Variants in RBMS1 observed in about 807,000 individuals in gnomAD.
RBMS1 encodes the protein RNA binding motif single stranded interacting protein 1, also known as RNA-binding motif, single-stranded-interacting protein 1.
RBMS1 carries 17 observed loss-of-function variants against 62.3 expected under a neutral mutation model. The observed-to-expected ratio is 0.27, with a 90% CI of 0.19 to 0.41. The LOEUF is 0.41. Among genes scored for constraint, RBMS1 ranks in the 10% least tolerant of loss-of-function variants. The pLI is 1.00. For synonymous variants in RBMS1, 172 were observed against 170.0 expected (o/e 1.01, Z -0.09); for missense variants, 334 against 504.5 (o/e 0.66, Z 3.24).
chr2:160,440,095 G>A (rs1034370657), intron 1 of RBMS1, among the ~76,000 whole-genome samples: 1 of 127,368 alleles, frequency 7.9e-6, no homozygotes, highest in Non-Finnish European at 1.7e-5. Flanking sequence ...AGAGGGGAGA[G>A]GGGAGAGGGG....
intron 2 of RBMS1, among the ~76,000 whole-genome samples, chr2:160,352,388 C>T (rs542837475): frequency 3.9e-5 from 6 of 152,106 alleles, no homozygotes; most frequent in Non-Finnish European, 8.8e-5. Flanking sequence ...CAGTGGCTAC[C>T]AAATTAGGCT....
At chr2:160,462,567 A>C (rs1233475367) in intron 1 of RBMS1, among the ~76,000 whole-genome samples, 1 of 152,188 alleles carries the variant, frequency 6.6e-6, no homozygotes, top group African/African-American at 2.4e-5. Flanking sequence ...GAGGAATAGA[A>C]ACTTTAAGCA....
intron 1 of RBMS1, among the ~76,000 whole-genome samples, chr2:160,447,638 T>C (rs1683712464): frequency 6.6e-6 from 1 of 152,250 alleles, no homozygotes; most frequent in Non-Finnish European, 1.5e-5. Flanking sequence ...TTCATTTTTA[T>C]ACTGCTAGAA....
intron 6 of RBMS1, among the ~76,000 whole-genome samples, chr2:160,292,205 A>T (rs1174336268): frequency 6.6e-6 from 1 of 152,170 alleles, no homozygotes; most frequent in Non-Finnish European, 1.5e-5. Flanking sequence ...CAAGGGTTTA[A>T]AATTCTGCTT....
Position 160,285,059 on chromosome 2 carries a change from A to G in RBMS1, c.757-15T>C, listed in dbSNP as rs750866981. 1.9e-6 allele frequency: 3 copies of G among 1,606,426 alleles called. No individual in the cohort carries two copies. On this transcript the variant is annotated splice_polypyrimidine_tract_variant and intron_variant, in intron 7 of 13. Coordinates refer to ENST00000348849, the MANE Select transcript of RBMS1 (RefSeq NM_016836.4). ...GTCATTCCAGCCTATGGGAAAGAGA[A>G]AGAAATATAAACATTCATCTAGAAA... is the stretch of plus-strand genomic sequence containing the variant.
chr2:160,308,917 T>C (rs1275988385), intron 4 of RBMS1, among the ~76,000 whole-genome samples: 1 of 152,240 alleles, frequency 6.6e-6, no homozygotes, highest in Non-Finnish European at 1.5e-5. Flanking sequence ...TAATATTCTA[T>C]GCTGCTTAAT....
intron 2 of RBMS1, among the ~76,000 whole-genome samples, chr2:160,338,802 C>T (rs1274884402): frequency 1.3e-5 from 2 of 152,102 alleles, no homozygotes; most frequent in Non-Finnish European, 2.9e-5. Flanking sequence ...ACAGGGTGTG[C>T]ACAGAGGAGC....
chr2:160,465,168 C>T (rs903351984), intron 1 of RBMS1, among the ~76,000 whole-genome samples: 2 of 152,184 alleles, frequency 1.3e-5, no homozygotes, highest in Admixed American at 1.3e-4. Context: ...CAACCTGTCA[C>T]CATTAATGAC....
chr2:160,364,855 C>T (rs1559449892), intron 2 of RBMS1, among the ~76,000 whole-genome samples: 1 of 152,142 alleles, frequency 6.6e-6, no homozygotes, highest in Non-Finnish European at 1.5e-5. Flanking sequence ...CATTTGTTTC[C>T]TTCGTTACCC....
At chr2:160,401,265 A>T (rs1313606906) in intron 1 of RBMS1, among the ~76,000 whole-genome samples, 1 of 152,232 alleles carries the variant, frequency 6.6e-6, no homozygotes, top group Non-Finnish European at 1.5e-5. Flanking sequence ...ATATGTTTAA[A>T]TGAATAAAGT....
chr2:160,304,414 G>T (rs1689379613), intron 4 of RBMS1, among the ~76,000 whole-genome samples: 1 of 152,144 alleles, frequency 6.6e-6, no homozygotes, highest in Non-Finnish European at 1.5e-5. Flanking sequence ...TTTTAATAGA[G>T]AAACAATGTT....
intron 2 of RBMS1, among the ~76,000 whole-genome samples, chr2:160,358,767 C>G (rs1002413575): frequency 6.6e-6 from 1 of 152,012 alleles, no homozygotes; most frequent in Non-Finnish European, 1.5e-5. Context: ...TTTTACCAGT[C>G]AATAAAGATT....
chr2:160,379,326 G>A (rs1366576630), intron 1 of RBMS1, among the ~76,000 whole-genome samples: 1 of 152,184 alleles, frequency 6.6e-6, no homozygotes, highest in Non-Finnish European at 1.5e-5. Flanking sequence ...ATTTTTACAG[G>A]GACAAAGTTT....
intron 2 of RBMS1, among the ~76,000 whole-genome samples, chr2:160,332,922 GCATACACGAGTGTTTATACAGA>G (rs1261618899): frequency 6.6e-6 from 1 of 150,696 alleles, no homozygotes; most frequent in Non-Finnish European, 1.5e-5. Context: ...GTGTATAAAT[GCATACACGAGTGTTTATACAGA>G]CATACACATA....
chr2:160,299,933 A>G (rs1393698994), intron 6 of RBMS1, among the ~76,000 whole-genome samples: 3 of 152,208 alleles, frequency 2.0e-5, no homozygotes, highest in African/African-American at 4.8e-5. Flanking sequence ...CTGCATGGAT[A>G]TAACAGGAGT....
chr2:160,485,669 G>C (rs765037840), intron 1 of RBMS1, among the ~76,000 whole-genome samples: 1 of 151,660 alleles, frequency 6.6e-6, no homozygotes. Context: ...AAATCACATA[G>C]AGCATGAGAA....
chr2:160,426,375 GAA>G (rs920609597), intron 1 of RBMS1, among the ~76,000 whole-genome samples: 14 of 152,106 alleles, frequency 9.2e-5, no homozygotes, highest in South Asian at 4.1e-4. Context: ...GGGAAAAAAA[GAA>G]AAGAGTCTTC....
At chr2:160,475,497 C>T (rs1685086675) in intron 1 of RBMS1, among the ~76,000 whole-genome samples, 1 of 152,232 alleles carries the variant, frequency 6.6e-6, no homozygotes, top group Admixed American at 6.5e-5. Flanking sequence ...GTAACTGCTC[C>T]CACCCTTTGC....
chr2:160,321,934 T>C (rs1314714331), intron 2 of RBMS1, among the ~76,000 whole-genome samples: 1 of 152,200 alleles, frequency 6.6e-6, no homozygotes, highest in Admixed American at 6.5e-5. Context: ...TTTAAACATC[T>C]CTCCATTACC....
Sources: allele counts gnomAD v4.1 joint callset (sites outside exome capture counted in the v4.1 genomes callset), GRCh38; gene constraint gnomAD v4.1.1; transcripts MANE v1.5; gene names NCBI Gene and HGNC (gene_info 2026-07-23, HGNC 2026-07-21).